Variants in MRPL39 observed in about 807,000 individuals in gnomAD.
The protein encoded by MRPL39 is mitochondrial ribosomal protein L39.
A neutral mutation model predicts 44.5 loss-of-function variants in MRPL39; 35 were observed. That is an observed-to-expected ratio of 0.79 (90% CI 0.60 to 1.04). The LOEUF is 1.04. MRPL39 is among the 50% of genes least tolerant of loss of function. The probability of loss-of-function intolerance (pLI) is 0.00; values close to 1 mark genes in which losing one functional copy is unlikely to be tolerated. For synonymous variants in MRPL39, 139 were observed against 136.1 expected (o/e 1.02, Z -0.15); for missense variants, 433 against 413.5 (o/e 1.05, Z -0.41).
At position 25,585,695 on chromosome 21, in the gene MRPL39, T is replaced by G; in HGVS notation, c.*12A>C. 6.9e-7 allele frequency: 1 copy of G among 1,441,590 alleles called. No homozygotes were observed. Among genetic ancestry groups the G allele is most frequent in the East Asian group, 2.4e-5 (1 of 42,460 alleles). 89.3% of individuals were successfully genotyped at this position (1,441,590 alleles called of 1,614,324 possible). On this transcript the variant is annotated 3_prime_UTR_variant, in exon 10 of 10. Transcript: ENST00000352957. ...TTTATTTTATTATACATATTTAAATTTTAGAAAGTTATTAGGTAGATGTAC... is the reference window on the plus strand; with the variant it reads ...TTTATTTTATTATACATATTTAAATGTTAGAAAGTTATTAGGTAGATGTAC...
chr21:25,593,347 A>G (rs2031242825), intron 7 of MRPL39, among the ~76,000 whole-genome samples: 1 of 152,220 alleles, frequency 6.6e-6, no homozygotes, highest in Non-Finnish European at 1.5e-5. Context: ...GGCAGTTTCT[A>G]GAGGAAAAAA....
At chr21:25,599,892 CAA>C in intron 4 of MRPL39, 26 bp from the exon 5 acceptor site, 2 of 1,586,444 alleles carry the variant, frequency 1.3e-6, no homozygotes, top group Non-Finnish European at 8.6e-7. Context: ...AAATAAAAAG[CAA>C]AGTCAAATCT....
rs2031587386 is a variant in MRPL39, at chr21:25,603,807, C to G, written c.409G>C (p.Glu137Gln). The G allele has an allele frequency of 6.2e-7, 1 of 1,608,328 alleles. No individual in the cohort carries two copies. Among genetic ancestry groups the G allele is most frequent in the Admixed American group, 1.7e-5 (1 of 58,184 alleles). ...FLTFKDCDPG[E>Q]VNKAYWRSCA... ...AGAGATAGAAATACCTTATTCACTT[C>G]TCCTGGATCACAATCTTTGAAAGTA... Residue 137 changes from glutamate to glutamine, a missense_variant, in exon 3 of 10, where the codon GAA (glutamate) becomes CAA (glutamine). Physicochemically the swap from Glu to Gln is conservative, Grantham distance 29. Transcript: ENST00000352957.
At chr21:25,602,650 T>C (rs566248951) in intron 3 of MRPL39, among the ~76,000 whole-genome samples, 57 of 152,212 alleles carry the variant, frequency 3.7e-4, no homozygotes, top group Non-Finnish European at 7.6e-4. Flanking sequence ...ATATCATATC[T>C]AGAGACTAGC....
chr21:25,595,874 T>C (rs1348964601), intron 6 of MRPL39, among the ~76,000 whole-genome samples: 1 of 152,232 alleles, frequency 6.6e-6, no homozygotes. Context: ...ACTTCACGTG[T>C]TCAGATAGTC....
intron 1 of MRPL39, 136 bp downstream of exon 1, chr21:25,607,267 G>A: frequency 2.2e-6 from 2 of 919,880 alleles, no homozygotes; most frequent in Non-Finnish European, 3.3e-6. Context: ...GTGCAAGAGC[G>A]ACCGCCGCGG....
chr21:25,596,038 C>T (rs2031345678), intron 6 of MRPL39, among the ~76,000 whole-genome samples: 1 of 152,054 alleles, frequency 6.6e-6, no homozygotes, highest in African/African-American at 2.4e-5. Context: ...GTTTCATGGG[C>T]AAATATATTT....
At chr21:25,589,837 G>C (rs952759901) in intron 8 of MRPL39, among the ~76,000 whole-genome samples, 2 of 152,206 alleles carry the variant, frequency 1.3e-5, no homozygotes, top group African/African-American at 4.8e-5. Flanking sequence ...GACTCAGGCG[G>C]AATGAACTGC....
intron 9 of MRPL39, among the ~76,000 whole-genome samples, chr21:25,586,184 C>A (rs968495071): frequency 6.6e-6 from 1 of 152,134 alleles, no homozygotes; most frequent in Admixed American, 6.5e-5. Flanking sequence ...TTCTGTGTCA[C>A]TCAGACTCAT....
At chr21:25,591,637 T>C (rs2031182032) in intron 8 of MRPL39, among the ~76,000 whole-genome samples, 1 of 130,504 alleles carries the variant, frequency 7.7e-6, no homozygotes. Flanking sequence ...ACTACAAACA[T>C]ATCAGAATGA....
chr21:25,603,223 G>A (rs1218322712), intron 3 of MRPL39, among the ~76,000 whole-genome samples: 2 of 152,156 alleles, frequency 1.3e-5, no homozygotes, highest in Non-Finnish European at 2.9e-5. Flanking sequence ...AGAGGCCAGA[G>A]CAAGGAGGAA....
Position 25,599,785 on chromosome 21 carries a change from A to G in MRPL39, c.588+14T>C. On this transcript the variant is annotated intron_variant, in intron 5 of 9. Coordinates refer to ENST00000352957, the MANE Select transcript of MRPL39 (RefSeq NM_017446.4). The stretch of plus-strand genomic sequence containing the variant: ...AGACACTCTAAAATTAATACTCCAG[A>G]AGAATACACTTACTTTTGTTGGCAT... The G allele has an allele frequency of 6.3e-7, 1 of 1,597,710 alleles. No individual in the cohort carries two copies. Among genetic ancestry groups the G allele is most frequent in the East Asian group, 2.2e-5 (1 of 44,798 alleles).
intron 2 of MRPL39, among the ~76,000 whole-genome samples, chr21:25,604,200 A>C (rs151145825): frequency 6.6e-6 from 1 of 152,182 alleles, no homozygotes; most frequent in East Asian, 1.9e-4. Flanking sequence ...CAGAGGTTGC[A>C]GTGAGCCGAG....
intron 2 of MRPL39, among the ~76,000 whole-genome samples, chr21:25,606,122 C>T (rs112187712): frequency 9.2e-5 from 14 of 152,246 alleles, no homozygotes; most frequent in African/African-American, 2.2e-4. Context: ...GGGACTTCTG[C>T]GCCCACCACA....
chr21:25,586,946 T>C (rs895528714), intron 9 of MRPL39, among the ~76,000 whole-genome samples: 3 of 152,188 alleles, frequency 2.0e-5, no homozygotes, highest in African/African-American at 7.2e-5. Context: ...CAAGTAAATT[T>C]TGTGCATTTT....
At position 25,605,875 on chromosome 21, in the gene MRPL39, T is replaced by C. The variant is rs187689405; in HGVS notation, c.280+574A>G. On this transcript the variant is annotated intron_variant, in intron 2 of 9. Transcript: ENST00000352957. Reference sequence around the variant, plus strand: ...GCCTGGGAGCAGGGCCAGACCCTCATCTCTAAAATTAAATTAAATTAAAGG... The same window carrying C: ...GCCTGGGAGCAGGGCCAGACCCTCACCTCTAAAATTAAATTAAATTAAAGG... 5.3e-5 allele frequency among the ~76,000 whole-genome samples: 8 copies of C among 152,244 alleles called. No homozygotes were observed. In the East Asian group the frequency reaches 1.5e-3, roughly 29 times the overall value.
chr21:25,586,306 A>C (rs2030995253), intron 9 of MRPL39, among the ~76,000 whole-genome samples: 1 of 151,988 alleles, frequency 6.6e-6, no homozygotes, highest in Admixed American at 6.6e-5. Context: ...TCAAGAATTC[A>C]CTCTCTTCTT....
chr21:25,592,334 C>G (rs188703660), intron 8 of MRPL39, among the ~76,000 whole-genome samples: 6 of 152,140 alleles, frequency 3.9e-5, no homozygotes, highest in African/African-American at 1.4e-4. Context: ...ATTGAGGAAA[C>G]CAAGTAAAGG....
At chr21:25,607,601 C>G (rs1245655490), upstream of MRPL39, 3 of 930,958 alleles carry the variant, frequency 3.2e-6, no homozygotes, top group Admixed American at 2.6e-5. Context: ...TCGCCTCCAC[C>G]GGGGGGCGTC....
Sources: allele counts gnomAD v4.1 joint callset (sites outside exome capture counted in the v4.1 genomes callset), GRCh38; gene constraint gnomAD v4.1.1; transcripts MANE v1.5; gene names NCBI Gene and HGNC (gene_info 2026-07-23, HGNC 2026-07-21).